The following SDHB variants were observed in gnomAD, a reference collection of about 807,000 sequenced individuals.
The protein encoded by SDHB is succinate dehydrogenase [ubiquinone] iron-sulfur subunit, mitochondrial.
In SDHB, 21 loss-of-function variants were observed where a neutral mutation model predicts 39.7. The observed-to-expected ratio is 0.53, with a 90% CI of 0.37 to 0.76. The LOEUF is 0.76. SDHB is among the 30% of genes least tolerant of loss of function. The pLI is 0.00. For missense variants in SDHB, 343 were observed against 350.9 expected, an observed-to-expected ratio of 0.98 and a Z score of 0.18; for synonymous variants, 118 against 117.0, an observed-to-expected ratio of 1.01 and a Z score of -0.06.
chr1:17,043,627 G>A (rs906474130), intron 2 of SDHB, among the ~76,000 whole-genome samples: 1 of 152,198 alleles, frequency 6.6e-6, no homozygotes, highest in Non-Finnish European at 1.5e-5. Flanking sequence ...TAACTTGCTA[G>A]ATTCTTTCTT....
chr1:17,033,725 C>T (rs1484109114), intron 2 of SDHB, among the ~76,000 whole-genome samples: 2 of 152,248 alleles, frequency 1.3e-5, no homozygotes, highest in Non-Finnish European at 2.9e-5. Flanking sequence ...GGCTGAGCCA[C>T]TTACCAGCTT....
intron 2 of SDHB, 151 bp downstream of exon 2, chr1:17,044,610 G>A: frequency 1.1e-6 from 1 of 910,236 alleles, no homozygotes; most frequent in South Asian, 1.4e-5. Flanking sequence ...ATAGGCGTGA[G>A]CCACCGTGCC....
intron 2 of SDHB, among the ~76,000 whole-genome samples, chr1:17,035,654 A>T (rs539389976): frequency 1.3e-5 from 2 of 152,196 alleles, no homozygotes; most frequent in South Asian, 4.1e-4. Context: ...TGAGGTCAGG[A>T]GATTGAGACC....
At chr1:17,045,837 G>A (rs1387176255) in intron 1 of SDHB, among the ~76,000 whole-genome samples, 1 of 152,168 alleles carries the variant, frequency 6.6e-6, no homozygotes, top group Non-Finnish European at 1.5e-5. Flanking sequence ...TAACTAATAG[G>A]AAACCCGTAC....
intron 1 of SDHB, among the ~76,000 whole-genome samples, chr1:17,050,527 T>C (rs945409556): frequency 1.3e-5 from 2 of 151,996 alleles, no homozygotes; most frequent in African/African-American, 2.4e-5. Flanking sequence ...GGCGGGCACC[T>C]GTAATCTCAG....
intron 2 of SDHB, among the ~76,000 whole-genome samples, chr1:17,035,587 A>G (rs1476423712): frequency 6.6e-6 from 1 of 152,146 alleles, no homozygotes; most frequent in East Asian, 1.9e-4. Flanking sequence ...TGGGTGGCTC[A>G]CGCCTGTAAT....
At chr1:17,021,151 A>G (rs2077960198) in intron 7 of SDHB, among the ~76,000 whole-genome samples, 1 of 152,228 alleles carries the variant, frequency 6.6e-6, no homozygotes, top group Non-Finnish European at 1.5e-5. Context: ...TGTGTCCCCA[A>G]AAGCTCATGT....
At chr1:17,022,867 C>T in intron 6 of SDHB, 137 bp from the exon 7 acceptor site, 1 of 1,086,928 alleles carries the variant, frequency 9.2e-7, no homozygotes, top group South Asian at 1.3e-5. Flanking sequence ...CTCTTTAATT[C>T]TTGTCCATCT....
In SDHB at chr1:17,028,683, T is replaced by A. The variant is rs2078005007; in HGVS notation, c.340A>T (p.Thr114Ser). 1 of 1,614,156 alleles carries A rather than the reference T, an allele frequency of 6.2e-7. No individual in the cohort carries two copies. The highest frequency in any genetic ancestry group is 1.3e-5 in the African/African-American group (1 of 75,046). The change falls in exon 4 of 8, where the codon ACC becomes TCC. Residue 114 changes from threonine (T) to serine (S), a missense_variant. Physicochemically the swap from Thr to Ser is moderately conservative, Grantham distance 58. Coordinates refer to ENST00000375499, the MANE Select transcript of SDHB (RefSeq NM_003000.3). ...TTGAGGTTGGTGTCAATCCTTCGGG[T>A]GCAAGCTAGAGTGTTGCCTCCATTG... ...NINGGNTLAC[T>S]RRIDTNLNKV... is the part of the protein sequence containing the mutation.
intron 3 of SDHB, among the ~76,000 whole-genome samples, chr1:17,030,692 T>A (rs2078017661): frequency 6.6e-6 from 1 of 152,068 alleles, no homozygotes; most frequent in African/African-American, 2.4e-5. Context: ...ATCATCTTTT[T>A]TTTTTTTTAG....
intron 7 of SDHB, among the ~76,000 whole-genome samples, chr1:17,022,342 A>C (rs1177785742): frequency 6.6e-6 from 1 of 152,152 alleles, no homozygotes; most frequent in African/African-American, 2.4e-5. Context: ...GTACCTGCTC[A>C]TGGGTTCCTG....
chr1:17,023,875 G>A (rs2077976622), intron 6 of SDHB, 98 bp downstream of exon 6: 2 of 857,416 alleles, frequency 2.3e-6, no homozygotes, highest in East Asian at 2.5e-5. Context: ...AGGAAACCAG[G>A]CCCCTCAGAA....
chr1:17,049,647 C>CTTTTTTTTTTTTTTT lies in SDHB; in HGVS notation c.72+4286_72+4300dup, dbSNP rs397835910. Among the ~76,000 whole-genome samples, 68 of 52,068 alleles carry CTTTTTTTTTTTTTTT rather than the reference C, an allele frequency of 1.3e-3. 16 individuals are homozygous for CTTTTTTTTTTTTTTT. Among genetic ancestry groups the CTTTTTTTTTTTTTTT allele is most frequent in the African/African-American group, 2.3e-3 (23 of 10,178 alleles). The allele number at this position is 52,068 out of a possible 152,430, so 34.2% of individuals were successfully genotyped here. On this transcript the variant is annotated intron_variant, in intron 1 of 7. Coordinates refer to ENST00000375499, the MANE Select transcript of SDHB (RefSeq NM_003000.3). ...GGGACTGGAGCATAATCCCCTAGTT[C>CTTTTTTTTTTTTTTT]TTTTTTTTTTTTTTTTTTTTTTTTT... is the stretch of plus-strand genomic sequence containing the variant.
chr1:17,027,440 T>C (rs2077997039), intron 5 of SDHB, among the ~76,000 whole-genome samples: 1 of 152,228 alleles, frequency 6.6e-6, no homozygotes, highest in African/African-American at 2.4e-5. Context: ...TCTGACTTAG[T>C]GGTCACTTTT....
chr1:17,044,342 G>A (rs879505135), intron 2 of SDHB, among the ~76,000 whole-genome samples: 1 of 86,670 alleles, frequency 1.2e-5, no homozygotes, highest in African/African-American at 4.5e-5. Context: ...TTTTTTTTTT[G>A]GAGACAGAGT....
chr1:17,023,280 C>T (rs1031825231), intron 6 of SDHB: 1 of 198,184 alleles, frequency 5.0e-6, no homozygotes, highest in South Asian at 9.2e-5. Flanking sequence ...AGGACCTCTA[C>T]ATCCCCAACT....
intron 2 of SDHB, 125 bp downstream of exon 2, chr1:17,044,636 C>T: frequency 8.2e-7 from 1 of 1,214,314 alleles, no homozygotes; most frequent in East Asian, 2.3e-5. Context: ...CAAGCTCATT[C>T]TTGTTTTAAA....
intron 7 of SDHB, 84 bp from the exon 8 acceptor site, chr1:17,019,042 T>C: frequency 9.6e-7 from 1 of 1,038,314 alleles, no homozygotes; most frequent in Non-Finnish European, 1.5e-6. Context: ...AACTCCTTCC[T>C]CAGCTGGTTC....
chr1:17,039,431 A>AAAT (rs1553178460), intron 2 of SDHB, among the ~76,000 whole-genome samples: 10 of 150,510 alleles, frequency 6.6e-5, no homozygotes, highest in African/African-American at 2.5e-4. Flanking sequence ...AAAAAAAAAA[A>AAAT]AAAAAATTGG....
Sources: gnomAD v4.1 joint callset for allele counts (sites outside exome capture counted in the v4.1 genomes callset) on GRCh38, gnomAD v4.1.1 for gene constraint, MANE v1.5 for transcripts, NCBI Gene and HGNC (gene_info 2026-07-23, HGNC 2026-07-21) for gene names.